Variants in INSL6 observed in about 807,000 individuals in gnomAD.
INSL6 encodes insulin-like peptide INSL6.
In INSL6, 16 loss-of-function variants were observed where a neutral mutation model predicts 9.4. That is an observed-to-expected ratio of 1.70 (90% CI 1.15 to 2.59). INSL6 has a LOEUF of 2.59. INSL6 is among the 30% of genes most tolerant of loss of function. The pLI, the probability that INSL6 is intolerant of heterozygous loss-of-function variation, is 0.00. For synonymous variants in INSL6, 154 were observed against 96.9 expected (o/e 1.59, Z -3.46); for missense variants, 391 against 257.3 (o/e 1.52, Z -3.56).
At chr9:5,099,076 A>G in the INSL6 span, 1 of 152,140 alleles carries the variant, frequency 6.6e-6, no homozygotes, top group African/African-American at 2.4e-5. Context: ...TAACCGAACA[A>G]TTCTCCCAAC....
chr9:5,180,857 T>A (rs1049002821), intron 1 of INSL6, among the ~76,000 whole-genome samples: 6 of 152,204 alleles, frequency 3.9e-5, no homozygotes, highest in African/African-American at 7.2e-5. Context: ...ATGTCATCTT[T>A]GTTAGACCCT....
chr9:5,160,787 A>T (rs1376039200), downstream of INSL6, among the ~76,000 whole-genome samples: 1 of 152,182 alleles, frequency 6.6e-6, no homozygotes, highest in Non-Finnish European at 1.5e-5. Context: ...AATTAAAAGG[A>T]TCATTAGAGG....
At chr9:5,099,930 G>C in the INSL6 span, 4 of 152,070 alleles carry the variant, frequency 2.6e-5, no homozygotes, top group African/African-American at 9.7e-5. Context: ...AAAACTCCTT[G>C]GCTGGCTTTT....
At chr9:5,033,270 T>C in the INSL6 span, among the ~76,000 whole-genome samples, 1 of 152,230 alleles carries the variant, frequency 6.6e-6, no homozygotes, top group Non-Finnish European at 1.5e-5. Flanking sequence ...CTACGTCTCA[T>C]TGGTGTACCT....
chr9:5,089,132 T>A, the INSL6 span, among the ~76,000 whole-genome samples: 1 of 152,224 alleles, frequency 6.6e-6, no homozygotes, highest in East Asian at 1.9e-4. Flanking sequence ...TTTGAAGTAA[T>A]TTATATTTCA....
chr9:5,032,889 G>T, the INSL6 span, among the ~76,000 whole-genome samples: 1 of 152,208 alleles, frequency 6.6e-6, no homozygotes, highest in Non-Finnish European at 1.5e-5. Flanking sequence ...GAACAAAGCC[G>T]GATGGAGAAT....
chr9:5,078,244 A>G, the INSL6 span: 4 of 1,383,364 alleles, frequency 2.9e-6, no homozygotes, highest in East Asian at 2.3e-5. Context: ...GGGCTTGAAC[A>G]TACTAAATGC....
intron 2 of INSL6, among the ~76,000 whole-genome samples, chr9:5,150,890 T>A (rs1400478596): frequency 6.7e-6 from 1 of 149,616 alleles, no homozygotes; most frequent in Non-Finnish European, 1.5e-5. Context: ...CATCATGGAA[T>A]ACTACCCAGC....
chr9:5,111,787 C>T, the INSL6 span: 6 of 423,360 alleles, frequency 1.4e-5, no homozygotes, highest in Non-Finnish European at 2.3e-5. Context: ...CATCCACCTT[C>T]TCCTTGGCCC....
intron 2 of INSL6, among the ~76,000 whole-genome samples, chr9:5,149,514 C>G (rs1564041845): frequency 6.6e-6 from 1 of 152,050 alleles, no homozygotes; most frequent in Non-Finnish European, 1.5e-5. Flanking sequence ...AAGAAAAATA[C>G]CTACAAATAC....
the INSL6 span, chr9:5,090,992 T>C: frequency 9.3e-7 from 1 of 1,073,340 alleles, no homozygotes; most frequent in Non-Finnish European, 1.3e-6. Flanking sequence ...AGTTTGCCAT[T>C]TCTATATTTA....
the INSL6 span, chr9:5,080,120 G>T: frequency 3.4e-6 from 3 of 889,214 alleles, no homozygotes; most frequent in South Asian, 2.1e-5. Context: ...CCAAAATAAA[G>T]AAAATAGGCC....
intron 2 of INSL6, among the ~76,000 whole-genome samples, chr9:5,142,229 G>T (rs1207051649): frequency 6.6e-6 from 1 of 151,896 alleles, no homozygotes; most frequent in Non-Finnish European, 1.5e-5. Context: ...AATTGTAAAA[G>T]TTTTTGCTAA....
chr9:5,163,822 C>G (rs1049390357), downstream of INSL6: 8 of 816,764 alleles, frequency 9.8e-6, no homozygotes, highest in Admixed American at 2.3e-5. Context: ...ACATTTTTCA[C>G]ATCATATCAC....
chr9:5,089,093 T>C, the INSL6 span, among the ~76,000 whole-genome samples: 1 of 152,246 alleles, frequency 6.6e-6, no homozygotes, highest in Admixed American at 6.5e-5. Context: ...ATCTTGACAA[T>C]TAATGCTCAT....
chr9:5,141,524 C>T (rs960014895), intron 2 of INSL6, among the ~76,000 whole-genome samples: 1 of 151,938 alleles, frequency 6.6e-6, no homozygotes, highest in African/African-American at 2.4e-5. Flanking sequence ...CTGTTCATGT[C>T]CTTTGCTCAC....
the INSL6 span, among the ~76,000 whole-genome samples, chr9:5,095,588 C>T: frequency 3.9e-5 from 6 of 152,202 alleles, no homozygotes; most frequent in Admixed American, 6.5e-5. Flanking sequence ...ACCCAGGGAA[C>T]TTCTCTAATG....
At chr9:5,046,924 A>G in the INSL6 span, among the ~76,000 whole-genome samples, 1 of 152,134 alleles carries the variant, frequency 6.6e-6, no homozygotes, top group South Asian at 2.1e-4. Context: ...TTCCCAAACT[A>G]TTCATTCAGC....
the INSL6 span, chr9:5,078,155 C>G: frequency 5.3e-6 from 3 of 560,988 alleles, no homozygotes; most frequent in African/African-American, 5.7e-5. Flanking sequence ...GCATAGGAGT[C>G]ATAAATTTCC....
Sources: gnomAD v4.1 joint callset for allele counts (sites outside exome capture counted in the v4.1 genomes callset) on GRCh38, gnomAD v4.1.1 for gene constraint, MANE v1.5 for transcripts, NCBI Gene and HGNC (gene_info 2026-07-23, HGNC 2026-07-21) for gene names.